Variants in UIMC1 observed in about 807,000 individuals in gnomAD.
UIMC1 encodes BRCA1-A complex subunit RAP80.
Under a neutral mutation model 84.9 loss-of-function variants are expected in UIMC1, and 42 were observed. The observed-to-expected ratio is 0.49, with a 90% CI of 0.39 to 0.64. The LOEUF (loss-of-function observed/expected upper bound fraction) is 0.64. Among genes scored for constraint, UIMC1 ranks in the 30% least tolerant of loss-of-function variants. The pLI is 0.00. For missense variants in UIMC1, 825 were observed against 847.6 expected (o/e 0.97, Z 0.33); for synonymous variants, 281 against 293.0 (o/e 0.96, Z 0.42).
At chr5:176,964,991 T>C (rs1328400207) in intron 6 of UIMC1, among the ~76,000 whole-genome samples, 1 of 152,194 alleles carries the variant, frequency 6.6e-6, no homozygotes, top group Non-Finnish European at 1.5e-5. Flanking sequence ...ATCAGTGTCT[T>C]CAACCTACAC....
At chr5:176,997,036 A>G (rs570237178) in intron 1 of UIMC1, among the ~76,000 whole-genome samples, 19 of 152,090 alleles carry the variant, frequency 1.2e-4, no homozygotes, top group African/African-American at 3.9e-4. Flanking sequence ...GCGTGCGCAC[A>G]CACACACACA....
intron 3 of UIMC1, among the ~76,000 whole-genome samples, chr5:176,971,772 G>C (rs777660731): frequency 1.3e-5 from 2 of 152,026 alleles, no homozygotes; most frequent in Non-Finnish European, 2.9e-5. Flanking sequence ...AGCCAGGCAT[G>C]GTGGTGGGTG....
chr5:176,938,797 T>A (rs187404201), intron 10 of UIMC1, among the ~76,000 whole-genome samples: 2 of 152,332 alleles, frequency 1.3e-5, no homozygotes, highest in Non-Finnish European at 2.9e-5. Context: ...TCTCCCATTG[T>A]CAGGGACATT....
At chr5:177,012,795 C>A (rs1298105869) in intron 1 of UIMC1, among the ~76,000 whole-genome samples, 2 of 151,972 alleles carry the variant, frequency 1.3e-5, no homozygotes, top group Non-Finnish European at 2.9e-5. Context: ...CTCATTTGTG[C>A]CCATTCAAAG....
chr5:176,926,860 A>G (rs1332364314), intron 10 of UIMC1, among the ~76,000 whole-genome samples: 11 of 152,156 alleles, frequency 7.2e-5, no homozygotes, highest in Admixed American at 7.2e-4. Context: ...ATAGAGAGGA[A>G]AAAAATAGGC....
intron 1 of UIMC1, among the ~76,000 whole-genome samples, chr5:176,991,556 T>A (rs1333995631): frequency 7.7e-6 from 1 of 129,232 alleles, no homozygotes; most frequent in Non-Finnish European, 1.6e-5. Flanking sequence ...CCATCTCTAC[T>A]AAAAATACAA....
At chr5:176,921,725 A>G (rs1182388918) in intron 10 of UIMC1, among the ~76,000 whole-genome samples, 1 of 152,166 alleles carries the variant, frequency 6.6e-6, no homozygotes, top group African/African-American at 2.4e-5. Flanking sequence ...CTTCCCTGGA[A>G]TAATGCAACA....
chr5:176,982,306 G>T (rs140984050), intron 2 of UIMC1, among the ~76,000 whole-genome samples, 163 bp downstream of exon 2: 3 of 152,186 alleles, frequency 2.0e-5, no homozygotes, highest in African/African-American at 7.2e-5. Context: ...ACTACCTTAA[G>T]TAATTCTTCA....
chr5:177,011,021 CATCTCTACAAAAAATACA>C (rs769321428), upstream of UIMC1, among the ~76,000 whole-genome samples: 31 of 151,734 alleles, frequency 2.0e-4, no homozygotes, highest in Admixed American at 2.0e-4. Context: ...GGCAAAACCC[CATCTCTACAAAAAATACA>C]AAAATTAGCT....
intron 1 of UIMC1, among the ~76,000 whole-genome samples, chr5:176,995,311 G>A (rs970513740): frequency 6.6e-6 from 1 of 151,942 alleles, no homozygotes; most frequent in Non-Finnish European, 1.5e-5. Flanking sequence ...CACTTTGGGA[G>A]GTCGAGATAG....
chr5:176,941,099 A>G (rs1764365124), intron 10 of UIMC1, among the ~76,000 whole-genome samples: 1 of 152,264 alleles, frequency 6.6e-6, no homozygotes, highest in African/African-American at 2.4e-5. Flanking sequence ...ATTATAACGC[A>G]GTAACTTGAA....
At chr5:177,006,283 C>G (rs1222617884) in intron 1 of UIMC1, 1 of 152,450 alleles carries the variant, frequency 6.6e-6, no homozygotes, top group Non-Finnish European at 1.5e-5. Context: ...CCCGAACCCA[C>G]CTCAACCTTG....
At position 176,968,978 on chromosome 5, in the gene UIMC1, A is replaced by T. The variant is rs1289856997; in HGVS notation, c.777T>A (p.Pro259=). Residue 259 remains proline (P), a synonymous_variant, in exon 6 of 15, where the codon CCT becomes CCA. Transcript: ENST00000511320. ...GSGDTSRHCL[P]TLADAKGLQD... is the part of the protein sequence containing the mutation. Reference sequence around the variant, plus strand: ...GGAGACCTTTGGCATCTGCTAGGGTAGGTAGACAGTGCCTAGATGTGTCCC... The same window carrying T: ...GGAGACCTTTGGCATCTGCTAGGGTTGGTAGACAGTGCCTAGATGTGTCCC... 2 of 1,614,226 alleles carry T rather than the reference A, an allele frequency of 1.2e-6. No individual in the cohort carries two copies. Among genetic ancestry groups the T allele is most frequent in the South Asian group, 1.1e-5 (1 of 91,088 alleles).
intron 10 of UIMC1, among the ~76,000 whole-genome samples, chr5:176,940,658 A>G (rs1446390864): frequency 1.3e-5 from 2 of 152,186 alleles, no homozygotes; most frequent in Non-Finnish European, 2.9e-5. Flanking sequence ...TCTGCCACTA[A>G]AAGTGGTTGA....
chr5:176,911,892 C>G (rs1439813600), intron 10 of UIMC1, among the ~76,000 whole-genome samples: 1 of 152,224 alleles, frequency 6.6e-6, no homozygotes, highest in Admixed American at 6.5e-5. Flanking sequence ...CCTCACTACA[C>G]TAATACCACC....
At chr5:176,954,611 G>T (rs914440017) in intron 8 of UIMC1, among the ~76,000 whole-genome samples, 1 of 151,612 alleles carries the variant, frequency 6.6e-6, no homozygotes, top group African/African-American at 2.4e-5. Flanking sequence ...AATTAGTTAG[G>T]TGTGGTGGCA....
At chr5:176,953,756 T>G (rs1434852864) in intron 8 of UIMC1, among the ~76,000 whole-genome samples, 1 of 152,130 alleles carries the variant, frequency 6.6e-6, no homozygotes, top group African/African-American at 2.4e-5. Context: ...GCATGCAAAA[T>G]GTAGGCATAA....
intron 3 of UIMC1, 61 bp from the exon 4 acceptor site, chr5:176,970,927 C>T (rs1350747236): frequency 1.3e-6 from 2 of 1,571,726 alleles, no homozygotes; most frequent in African/African-American, 2.7e-5. Flanking sequence ...ATCATGGAGG[C>T]AAGAAAGAGA....
At chr5:177,017,782 A>T (rs1218348860) in intron 1 of UIMC1, among the ~76,000 whole-genome samples, 1 of 150,934 alleles carries the variant, frequency 6.6e-6, no homozygotes, top group Non-Finnish European at 1.5e-5. Context: ...CCTCCTGAGT[A>T]GCTGGGACCA....
Sources: allele counts gnomAD v4.1 joint callset (sites outside exome capture counted in the v4.1 genomes callset), GRCh38; gene constraint gnomAD v4.1.1; transcripts MANE v1.5; gene names NCBI Gene and HGNC (gene_info 2026-07-23, HGNC 2026-07-21).